USP39: variants seen among roughly 807,000 people sequenced by gnomAD.
USP39 encodes the protein ubiquitin specific peptidase 39, also known as ubiquitin carboxyl-terminal hydrolase 39.
USP39 carries 38 observed loss-of-function variants against 66.4 expected under a neutral mutation model. The ratio of observed to expected loss-of-function variants is 0.57; its 90% CI spans 0.44 to 0.75. USP39 has a LOEUF of 0.75. Ranked by LOEUF, USP39 falls within the 30% of genes least tolerant of loss-of-function variation. USP39 has a pLI of 0.00. For missense variants in USP39, 608 were observed against 714.4 expected (o/e 0.85, Z 1.70); for synonymous variants, 303 against 274.6 (o/e 1.10, Z -1.02).
At chr2:85,612,061 C>A, upstream of USP39, 1 of 1,168,144 alleles carries the variant, frequency 8.6e-7, no homozygotes. Context: ...CTCCGCGCCG[C>A]CCCTTGCTCA....
intron 9 of USP39, among the ~76,000 whole-genome samples, chr2:85,640,569 A>G (rs1573443943): frequency 6.6e-6 from 1 of 151,560 alleles, no homozygotes; most frequent in Non-Finnish European, 1.5e-5. Context: ...GATTACAGGC[A>G]TGAGCCACCG....
At chr2:85,635,149 T>A (rs1675660314) in intron 6 of USP39, among the ~76,000 whole-genome samples, 1 of 152,220 alleles carries the variant, frequency 6.6e-6, no homozygotes, top group Non-Finnish European at 1.5e-5. Context: ...TATGGAGTTG[T>A]TAGAGGCCTC....
intron 6 of USP39, among the ~76,000 whole-genome samples, chr2:85,635,173 A>G (rs1355425580): frequency 6.6e-6 from 1 of 152,198 alleles, no homozygotes; most frequent in Non-Finnish European, 1.5e-5. Context: ...GTTTAGGGAA[A>G]TGAAGTTGAG....
intron 8 of USP39, among the ~76,000 whole-genome samples, chr2:85,638,435 G>A (rs960632503): frequency 6.6e-6 from 1 of 152,066 alleles, no homozygotes; most frequent in Non-Finnish European, 1.5e-5. Context: ...CCTTGCTGAA[G>A]TGATCCTCCC....
intron 3 of USP39, 46 bp downstream of exon 3, chr2:85,621,625 T>C (rs760196220): frequency 7.0e-4 from 21 of 30,002 alleles, no homozygotes; most frequent in Non-Finnish European, 8.9e-4. Context: ...CCAGAGGGAC[T>C]TTTTTTTTTT....
chr2:85,619,169 C>A, intron 1 of USP39, 51 bp from the exon 2 acceptor site: 1 of 1,588,646 alleles, frequency 6.3e-7, no homozygotes, highest in Admixed American at 1.7e-5. Flanking sequence ...TGTTAGTTGG[C>A]CCTGAGTATA....
At chr2:85,626,511 C>G (rs11894818) in intron 5 of USP39, among the ~76,000 whole-genome samples, 1 of 152,206 alleles carries the variant, frequency 6.6e-6, no homozygotes, top group African/African-American at 2.4e-5. Context: ...GAGGCTTTTT[C>G]TAGCCTCTGG....
chr2:85,609,512 C>G, upstream of USP39: 2 of 1,614,214 alleles, frequency 1.2e-6, no homozygotes, highest in South Asian at 1.1e-5. Context: ...CCAGAAGGCT[C>G]CAGCTCAGAG....
upstream of USP39, chr2:85,611,961 C>T (rs1387733867): frequency 6.5e-7 from 1 of 1,548,980 alleles, no homozygotes; most frequent in Non-Finnish European, 8.6e-7. Context: ...AGTGCCCCGG[C>T]CGGGGATGCG....
At position 85,625,757 on chromosome 2, in the gene USP39, C is replaced by T. The variant is rs990463413; in HGVS notation, c.723+66C>T. On this transcript the variant is annotated intron_variant, in intron 5 of 12. Transcript: ENST00000323701. ...CAGAAGGCTGAGCACAGTGGCTCAC[C>T]CCTGTAATCCCAGCACTTTGGGAGG... The T allele has an allele frequency of 8.3e-6, 13 of 1,561,998 alleles. No homozygotes were observed. The African/African-American group carries it at 9.6e-5, about 11-fold the overall frequency.
Position 85,637,380 on chromosome 2 carries a change from G to A in USP39, c.1039G>A (p.Asp347Asn). The change falls in exon 8 of 13, where the codon GAT (aspartate) becomes AAT (asparagine). Residue 347 changes from aspartate to asparagine, a missense_variant. Asp to Asn is a conservative substitution (Grantham distance 23). This residue lies in a region of USP39 where 72 missense variants were observed against 60.1 expected (regional missense o/e 1.20). Transcript: ENST00000323701. ...TCCTGTTTGTGCAGCTATTGTGACT[G>A]ATGTTTTCCAGGGGTCCATGAGGAT... ...TKKKKKTIVT[D>N]VFQGSMRIFT... The A allele has an allele frequency of 1.2e-6, 2 of 1,614,158 alleles. No homozygotes were observed. The highest frequency in any genetic ancestry group is 8.5e-7 in the Non-Finnish European group (1 of 1,180,026).
chr2:85,605,113 A>G lies in USP39; in HGVS notation n.226+2032A>G, dbSNP rs140387461. Among the ~76,000 whole-genome samples, 1,153 of 152,238 alleles carry G rather than the reference A, an allele frequency of 7.6e-3. 6 individuals carry two copies. The highest frequency in any genetic ancestry group is 0.011 in the Non-Finnish European group (733 of 68,000). On this transcript the variant is annotated intron_variant and non_coding_transcript_variant, in intron 1 of 12. Transcript: ENST00000459775. ...GTCTGTCTAGTTGTTATGTTCCAAC[A>G]GGGACAGCTCTTAAAATAGTGTGGC...
chr2:85,645,010 A>G lies in USP39; in HGVS notation c.1490A>G (p.Tyr497Cys), dbSNP rs374640624. 3.7e-6 allele frequency: 6 copies of G among 1,614,066 alleles called. No individual in the cohort carries two copies. Among genetic ancestry groups the G allele is most frequent in the Non-Finnish European group, 5.1e-6 (6 of 1,180,040 alleles). The change falls in exon 11 of 13, where the codon TAT becomes TGT. Residue 497 changes from tyrosine to cysteine, a missense_variant. Tyr to Cys is a radical substitution (Grantham distance 194, BLOSUM62 -2). Transcript: ENST00000323701. ...CAAGCAGTACACAAGAATACCACCTATGACCTCATTGCCAACATCGTGCAT... is the reference window on the plus strand; with the variant it reads ...CAAGCAGTACACAAGAATACCACCTGTGACCTCATTGCCAACATCGTGCAT... ...EVQAVHKNTTYDLIANIVHDG... is the reference protein window; with the variant it reads ...EVQAVHKNTTCDLIANIVHDG...
upstream of USP39, chr2:85,611,608 A>G: frequency 6.4e-7 from 1 of 1,556,842 alleles, no homozygotes; most frequent in South Asian, 1.2e-5. Flanking sequence ...CCTATAGAGA[A>G]GGGGAGTGCG....
chr2:85,607,086 G>A (rs2104135736), intron 1 of USP39: 1 of 152,188 alleles, frequency 6.6e-6, no homozygotes. Context: ...AAATTTTCAG[G>A]TGCCAAGCCC....
chr2:85,604,098 A>G lies in USP39; in HGVS notation n.226+1017A>G, dbSNP rs190207870. The stretch of plus-strand genomic sequence containing the variant: ...GGTGAGGCAAAGGCTATGTGAAACA[A>G]CAGGGTCCTGTGCTTTAGAGAAGTA... On this transcript the variant is annotated intron_variant and non_coding_transcript_variant, in intron 1 of 12. Transcript: ENST00000459775. Among the ~76,000 whole-genome samples, 171 of 152,354 alleles carry G rather than the reference A, an allele frequency of 1.1e-3. 1 individual carries two copies. The Middle Eastern group carries it at 0.024, about 21-fold the overall frequency.
intron 12 of USP39, among the ~76,000 whole-genome samples, 161 bp downstream of exon 12, chr2:85,648,177 C>T (rs1266641338): frequency 2.0e-5 from 3 of 152,046 alleles, no homozygotes; most frequent in African/African-American, 4.8e-5. Flanking sequence ...GAATGTATGG[C>T]CCTGAAAGTC....
At position 85,636,123 on chromosome 2, in the gene USP39, A is replaced by G; in HGVS notation, c.1020A>G (p.Lys340=). 1 of 1,613,646 alleles carries G rather than the reference A, an allele frequency of 6.2e-7. No homozygotes were observed. The highest frequency in any genetic ancestry group is 8.5e-7 in the Non-Finnish European group (1 of 1,179,898). Residue 340 remains lysine, a synonymous_variant, in exon 7 of 13, where the codon AAA becomes AAG. Transcript: ENST00000323701. ...LHSALGGTKK[K]KKTIVTDVFQ... is the part of the protein sequence containing the mutation. Reference sequence around the variant, plus strand: ...CAGCTCTGGGGGGCACAAAGAAGAAAAAGAAGAGTAAGTCATTTACTTATA... The same window carrying G: ...CAGCTCTGGGGGGCACAAAGAAGAAGAAGAAGAGTAAGTCATTTACTTATA...
At chr2:85,611,947 C>T (rs1673574260), upstream of USP39, 1 of 1,572,616 alleles carries the variant, frequency 6.4e-7, no homozygotes. Flanking sequence ...CCCAGGCTTG[C>T]AGCAGTGCCC....
Sources: gnomAD v4.1 joint callset for allele counts (sites outside exome capture counted in the v4.1 genomes callset) on GRCh38, gnomAD v4.1.1 for gene constraint, gnomAD v4.1.1 regional missense constraint, MANE v1.5 for transcripts, NCBI Gene and HGNC (gene_info 2026-07-23, HGNC 2026-07-21) for gene names.